ACVR1B: variants seen among roughly 807,000 people sequenced by gnomAD.
ACVR1B encodes the protein activin receptor type-1B.
ACVR1B carries 15 observed loss-of-function variants against 55.6 expected under a neutral mutation model. The ratio of observed to expected loss-of-function variants is 0.27; its 90% CI spans 0.18 to 0.42. The LOEUF is 0.42. Ranked by LOEUF, ACVR1B falls within the 10% of genes least tolerant of loss-of-function variation. ACVR1B has a pLI of 1.00. For missense variants in ACVR1B, 359 were observed against 670.1 expected (o/e 0.54, Z 5.13); for synonymous variants, 247 against 254.6 (o/e 0.97, Z 0.28).
intron 3 of ACVR1B, among the ~76,000 whole-genome samples, chr12:51,978,601 G>T (rs187575442): frequency 6.6e-6 from 1 of 152,178 alleles, no homozygotes; most frequent in East Asian, 1.9e-4. Context: ...AGGCTGAGGT[G>T]GGTGGATCAT....
intron 1 of ACVR1B, among the ~76,000 whole-genome samples, 187 bp from the exon 2 acceptor site, chr12:51,975,078 A>G (rs1035418681): frequency 6.6e-6 from 1 of 152,232 alleles, no homozygotes; most frequent in Admixed American, 6.5e-5. Flanking sequence ...TGGAGCTTCA[A>G]AAGCCTTGTT....
chr12:51,994,049 C>T lies in ACVR1B; in HGVS notation c.1457C>T (p.Thr486Met), dbSNP rs764765913. The change falls in exon 9 of 9, where the codon ACG becomes ATG. Residue 486 changes from threonine (T) to methionine (M), a missense_variant. By Grantham distance (81) the Thr-to-Met change is moderately conservative (BLOSUM62 -1). Around this residue, in one of 5 missense-constraint regions of ACVR1B, gnomAD observed 53 missense variants for 78.5 expected, o/e 0.68. Coordinates refer to ENST00000257963, the MANE Select transcript of ACVR1B (RefSeq NM_004302.5). The surrounding 1 kb of genome is among the most constrained non-coding windows in gnomAD (Gnocchi z 4.2). ...TATGCCAACGGCGCAGCCCGCCTGA[C>T]GGCCCTGCGCATCAAGAAGACCCTC... Reference protein sequence around the residue: ...CWYANGAARLTALRIKKTLSQ... With the variant: ...CWYANGAARLMALRIKKTLSQ... 10 of 1,613,976 alleles carry T rather than the reference C, an allele frequency of 6.2e-6. No individual in the cohort carries two copies. Among genetic ancestry groups the T allele is most frequent in the Admixed American group, 1.7e-5 (1 of 60,008 alleles).
rs1423179676 is a variant in ACVR1B at position 51,984,173 on chromosome 12, G to A, written c.979+7G>A. ...GAGATCGTGGGCACCCAAGGTGAGTGGACTAGCGCAGGAGCGGCGAAGTGG... is the reference window on the plus strand; with the variant it reads ...GAGATCGTGGGCACCCAAGGTGAGTAGACTAGCGCAGGAGCGGCGAAGTGG... On this transcript the variant is annotated splice_region_variant and intron_variant, in intron 5 of 8. Coordinates refer to ENST00000257963, the MANE Select transcript of ACVR1B (RefSeq NM_004302.5). The A allele has an allele frequency of 1.9e-6, 3 of 1,613,958 alleles. No homozygotes were observed. The highest frequency in any genetic ancestry group is 2.5e-6 in the Non-Finnish European group (3 of 1,180,018).
rs1053266354 is a variant in ACVR1B at position 51,980,782 on chromosome 12, C to T, written c.581-187C>T. 4.6e-5 allele frequency among the ~76,000 whole-genome samples: 7 copies of T among 152,344 alleles called. No homozygotes were observed. In the South Asian group the frequency reaches 8.3e-4, roughly 18 times the overall value. On this transcript the variant is annotated intron_variant, in intron 3 of 8. Transcript: ENST00000257963. ...TGTGTTCACTCTTTCCCCATCTCTC[C>T]GCCTGGCTCAGCCCTCTGGTAGATT...
intron 1 of ACVR1B, among the ~76,000 whole-genome samples, chr12:51,973,173 G>T (rs917156673): frequency 9.2e-5 from 14 of 152,224 alleles, no homozygotes; most frequent in Admixed American, 1.3e-4. Context: ...GGAAGCAGAG[G>T]CTCCTGACTA....
In ACVR1B at chr12:51,981,048, A is replaced by G; in HGVS notation, c.660A>G (p.Glu220=). The change falls in exon 4 of 9, where the codon GAA becomes GAG. Residue 220 remains glutamate (E), a synonymous_variant. Transcript: ENST00000257963. ...TTATTGGCAAGGGTCGGTTTGGGGA[A>G]GTATGGCGGGGCCGCTGGAGGGGTG... is the stretch of plus-strand genomic sequence containing the variant. ...QEIIGKGRFG[E]VWRGRWRGGD... 1 of 1,614,172 alleles carries G rather than the reference A, an allele frequency of 6.2e-7. No individual in the cohort carries two copies. The highest frequency in any genetic ancestry group is 8.5e-7 in the Non-Finnish European group (1 of 1,180,018).
intron 6 of ACVR1B, among the ~76,000 whole-genome samples, chr12:51,986,469 A>C (rs1942078095): frequency 6.6e-6 from 1 of 152,244 alleles, no homozygotes; most frequent in Non-Finnish European, 1.5e-5. Context: ...GATGTTGGCC[A>C]GGCTGGTCTC....
At position 51,976,317 on chromosome 12, in the gene ACVR1B, C is replaced by A; in HGVS notation, c.332-10C>A. ...CTCATTCTTTCCCTCTCCTCTCTCA[C>A]TTGACTCAGGTCACCTCAAGGAGCC... On this transcript the variant is annotated splice_polypyrimidine_tract_variant and intron_variant, in intron 2 of 8. Coordinates refer to ENST00000257963, the MANE Select transcript of ACVR1B (RefSeq NM_004302.5). 1 of 1,614,026 alleles carries A rather than the reference C, an allele frequency of 6.2e-7. No homozygotes were observed. The highest frequency in any genetic ancestry group is 8.5e-7 in the Non-Finnish European group (1 of 1,179,906).
chr12:51,959,409 G>A (rs1238715798), intron 1 of ACVR1B, among the ~76,000 whole-genome samples: 1 of 152,236 alleles, frequency 6.6e-6, no homozygotes, highest in African/African-American at 2.4e-5. Context: ...TAGGAGCTGA[G>A]AGTGGTTCCC....
At chr12:51,963,504 C>T (rs186348259) in intron 1 of ACVR1B, among the ~76,000 whole-genome samples, 9 of 152,338 alleles carry the variant, frequency 5.9e-5, no homozygotes, top group Admixed American at 4.6e-4. Context: ...TCCCAAAGTG[C>T]TGGGATTATA....
rs372334092 is a variant in ACVR1B at position 51,976,278 on chromosome 12, C to T, written c.332-49C>T. 9.3e-6 allele frequency: 15 copies of T among 1,608,920 alleles called. No individual in the cohort carries two copies. In the African/African-American group the frequency reaches 2.0e-4, roughly 22 times the overall value. On this transcript the variant is annotated intron_variant, in intron 2 of 8. Coordinates refer to ENST00000257963, the MANE Select transcript of ACVR1B (RefSeq NM_004302.5). ...TTGAGGGGGGTGTTTTTACTCTTTC[C>T]CTTGTTTTTACTTCTCATTCTTTCC...
intron 4 of ACVR1B, among the ~76,000 whole-genome samples, chr12:51,981,955 C>A (rs541814855): frequency 6.6e-6 from 1 of 152,200 alleles, no homozygotes; most frequent in Admixed American, 6.5e-5. Context: ...GTGTCGCCTT[C>A]GGACTCTGCT....
chr12:51,987,224 G>A (rs964657625), intron 7 of ACVR1B: 7 of 654,636 alleles, frequency 1.1e-5, no homozygotes, highest in African/African-American at 7.2e-5. Context: ...AGTCCGTGGC[G>A]GGGAGTGCCC....
chr12:51,976,883 G>A (rs1337003072), intron 3 of ACVR1B, among the ~76,000 whole-genome samples: 1 of 152,226 alleles, frequency 6.6e-6, no homozygotes, highest in Non-Finnish European at 1.5e-5. Context: ...CACCTGAGCA[G>A]TGGAGTGCTC....
rs781309172 is a variant in ACVR1B, at chr12:51,981,075, T to C, written c.687T>C (p.Gly229=). ...TATGGCGGGGCCGCTGGAGGGGTGGTGATGTGGCTGTGAAAATATTCTCTT... is the reference window on the plus strand; with the variant it reads ...TATGGCGGGGCCGCTGGAGGGGTGGCGATGTGGCTGTGAAAATATTCTCTT... The part of the protein sequence containing the change: ...GEVWRGRWRG[G]DVAVKIFSSR... The change falls in exon 4 of 9, where the codon GGT becomes GGC. Residue 229 remains glycine (G), a synonymous_variant. Transcript: ENST00000257963. 7.9e-5 allele frequency: 128 copies of C among 1,612,290 alleles called. No individual in the cohort carries two copies. The highest frequency in any genetic ancestry group is 1.0e-4 in the Non-Finnish European group (119 of 1,179,506).
chr12:51,982,506 C>T (rs759407687), intron 4 of ACVR1B, among the ~76,000 whole-genome samples: 2 of 152,158 alleles, frequency 1.3e-5, no homozygotes, highest in Non-Finnish European at 2.9e-5. Flanking sequence ...GGGACAGACA[C>T]GTGGACAGGT....
chr12:51,957,447 A>G (rs1166038911), intron 1 of ACVR1B, among the ~76,000 whole-genome samples: 2 of 151,392 alleles, frequency 1.3e-5, no homozygotes, highest in East Asian at 3.9e-4. Flanking sequence ...CCGTCAAAAA[A>G]AAAAAAAAAA....
chr12:51,982,093 G>T (rs560343280), intron 4 of ACVR1B, among the ~76,000 whole-genome samples: 1 of 152,176 alleles, frequency 6.6e-6, no homozygotes, highest in Non-Finnish European at 1.5e-5. Flanking sequence ...AAAGGATGAC[G>T]AGTAAGGGTG....
chr12:51,982,749 G>A, intron 4 of ACVR1B: 1 of 1,534,360 alleles, frequency 6.5e-7, no homozygotes, highest in Non-Finnish European at 8.7e-7. Context: ...CCCAAGCTGA[G>A]GAGCCTTAGA....
Sources: gnomAD v4.1 joint callset for allele counts (sites outside exome capture counted in the v4.1 genomes callset) on GRCh38, gnomAD v4.1.1 for gene constraint, gnomAD v4.1.1 regional missense constraint, Gnocchi (gnomAD v3.1) non-coding constraint, MANE v1.5 for transcripts, NCBI Gene and HGNC (gene_info 2026-07-23, HGNC 2026-07-21) for gene names.